The following DPYS variants were observed in gnomAD, a reference collection of about 807,000 sequenced individuals.
DPYS encodes dihydropyrimidinase.
DPYS carries 39 observed loss-of-function variants against 50.3 expected under a neutral mutation model. That is an observed-to-expected ratio of 0.78 (90% CI 0.60 to 1.01). DPYS has a LOEUF of 1.01. Ranked by LOEUF, DPYS falls within the 50% of genes least tolerant of loss-of-function variation. DPYS has a pLI of 0.00. For synonymous variants in DPYS, 245 were observed against 250.7 expected, an observed-to-expected ratio of 0.98 and a Z score of 0.22; for missense variants, 659 against 680.9, an observed-to-expected ratio of 0.97 and a Z score of 0.36.
intron 8 of DPYS, among the ~76,000 whole-genome samples, chr8:104,381,861 CACACACACACACACACACACACAT>C (rs1299487239): frequency 1.5e-4 from 18 of 117,954 alleles, no homozygotes; most frequent in Non-Finnish European, 2.6e-4. Flanking sequence ...ATCACACACA[CACACACACACACACACACACACAT>C]ACACACAGAC....
chr8:104,466,060 G>A (rs964863985), intron 1 of DPYS, among the ~76,000 whole-genome samples: 7 of 152,042 alleles, frequency 4.6e-5, no homozygotes, highest in Non-Finnish European at 1.0e-4. Context: ...TTTTCTACTG[G>A]GGGTGGGAGT....
rs1814445377 is a variant in DPYS, at chr8:104,467,014, C to A, written c.-94G>T. The A allele has an allele frequency of 4.5e-6, 6 of 1,320,392 alleles. No individual in the cohort carries two copies. The South Asian group carries it at 5.5e-5, about 12-fold the overall frequency. 81.8% of individuals were successfully genotyped at this position (1,320,392 alleles called of 1,614,324 possible). On this transcript the variant is annotated 5_prime_UTR_variant, in exon 1 of 10. Coordinates refer to ENST00000351513, the MANE Select transcript of DPYS (RefSeq NM_001385.3). ...GGCTTGGGGTGCCCTCCTGCAAGGTCCCCACCGACAGCCCCCGAGCTCTGC... is the reference window on the plus strand; with the variant it reads ...GGCTTGGGGTGCCCTCCTGCAAGGTACCCACCGACAGCCCCCGAGCTCTGC...
At position 104,466,590 on chromosome 8, in the gene DPYS, G is replaced by A. The variant is rs1185024495; in HGVS notation, c.264+67C>T. 4.1e-6 allele frequency: 6 copies of A among 1,445,924 alleles called. No homozygotes were observed. The Admixed American group carries it at 1.4e-4, about 34-fold the overall frequency. The allele number at this position is 1,445,924 out of a possible 1,614,324, so 89.6% of individuals were successfully genotyped here. On this transcript the variant is annotated intron_variant, in intron 1 of 9. Coordinates refer to ENST00000351513, the MANE Select transcript of DPYS (RefSeq NM_001385.3). ...CGAGGCGGCCCTGCTGAGGACCCCGGGACGACTGGGGAGGCTGCCCGAGCC... is the reference window on the plus strand; with the variant it reads ...CGAGGCGGCCCTGCTGAGGACCCCGAGACGACTGGGGAGGCTGCCCGAGCC...
intron 7 of DPYS, among the ~76,000 whole-genome samples, chr8:104,402,530 T>C (rs1811854940): frequency 6.6e-6 from 1 of 152,200 alleles, no homozygotes; most frequent in Non-Finnish European, 1.5e-5. Flanking sequence ...TGGGGTGATG[T>C]GTGGACTTGG....
At chr8:104,404,807 C>A (rs149287895) in intron 7 of DPYS, among the ~76,000 whole-genome samples, 100 of 152,364 alleles carry the variant, frequency 6.6e-4, no homozygotes, top group African/African-American at 2.3e-3. Context: ...GCTGCTTTTG[C>A]ACTACAACAG....
chr8:104,460,817 A>G (rs1210303369), intron 1 of DPYS, among the ~76,000 whole-genome samples: 3 of 152,170 alleles, frequency 2.0e-5, no homozygotes, highest in African/African-American at 7.2e-5. Context: ...TAATCATTAA[A>G]CAGCCATTCA....
At chr8:104,399,938 G>A (rs796555873) in intron 7 of DPYS, among the ~76,000 whole-genome samples, 1 of 150,556 alleles carries the variant, frequency 6.6e-6, no homozygotes, top group South Asian at 2.1e-4. Context: ...AAGACCCTTA[G>A]GCATGGTTGT....
At chr8:104,459,586 T>C (rs919796235) in intron 1 of DPYS, among the ~76,000 whole-genome samples, 4 of 152,212 alleles carry the variant, frequency 2.6e-5, no homozygotes, top group Non-Finnish European at 5.9e-5. Context: ...CTCTAGAATA[T>C]ACCACTGTAG....
At position 104,428,141 on chromosome 8, in the gene DPYS, A is replaced by G. The variant is rs755092259; in HGVS notation, c.951-20T>C. On this transcript the variant is annotated intron_variant, in intron 5 of 9. Coordinates refer to ENST00000351513, the MANE Select transcript of DPYS (RefSeq NM_001385.3). ...TCATCACTGTAAAAGAAAAAACACG[A>G]GAGTGATGGGGTGAGTATACAGAAT... The G allele has an allele frequency of 1.2e-6, 2 of 1,614,182 alleles. No homozygotes were observed. The highest frequency in any genetic ancestry group is 1.7e-6 in the Non-Finnish European group (2 of 1,179,988).
intron 1 of DPYS, among the ~76,000 whole-genome samples, chr8:104,461,180 C>T (rs1390078871): frequency 6.6e-6 from 1 of 151,022 alleles, no homozygotes; most frequent in African/African-American, 2.4e-5. Flanking sequence ...GCAGTCCCAG[C>T]TACTTGGGAG....
At chr8:104,447,257 C>G in intron 3 of DPYS, 67 bp downstream of exon 3, 1 of 1,579,078 alleles carries the variant, frequency 6.3e-7, no homozygotes, top group Admixed American at 1.7e-5. Context: ...TATGTAGGCC[C>G]AATCATCTTC....
intron 2 of DPYS, among the ~76,000 whole-genome samples, chr8:104,449,029 A>G (rs1000375409): frequency 6.6e-6 from 1 of 152,176 alleles, no homozygotes. Flanking sequence ...CCACTCAATA[A>G]CTATTTATTG....
chr8:104,447,424 T>C lies in DPYS; in HGVS notation c.503A>G (p.Tyr168Cys), dbSNP rs764851509. The change falls in exon 3 of 10, where the codon TAC (tyrosine) becomes TGC (cysteine). Residue 168 changes from tyrosine (Y) to cysteine (C), a missense_variant. Physicochemically the swap from Tyr to Cys is radical, Grantham distance 194. Transcript: ENST00000351513. The stretch of plus-strand genomic sequence containing the variant: ...GTACAGCTCCAGGTCTGTCACCATG[T>C]ACAGATCTTTATAGGCCATAAACAT... ...FKMFMAYKDL[Y>C]MVTDLELYEA... 2 of 1,614,098 alleles carry C rather than the reference T, an allele frequency of 1.2e-6. No homozygotes were observed. The highest frequency in any genetic ancestry group is 1.3e-5 in the African/African-American group (1 of 75,038).
rs1471915228 is a variant in DPYS, at chr8:104,388,155, A to T, written c.1443+4629T>A. On this transcript the variant is annotated intron_variant, in intron 8 of 9. Coordinates refer to ENST00000351513, the MANE Select transcript of DPYS (RefSeq NM_001385.3). ...GACATTGACAAATGGTTATTTCAGA[A>T]ATGGAGAATACCCATCTCAAGGACC... 2.6e-5 allele frequency among the ~76,000 whole-genome samples: 4 copies of T among 152,248 alleles called. No individual in the cohort carries two copies. The East Asian group carries it at 7.7e-4, about 29-fold the overall frequency.
intron 9 of DPYS, 39 bp downstream of exon 9, chr8:104,381,145 T>C: frequency 6.6e-7 from 1 of 1,519,806 alleles, no homozygotes; most frequent in South Asian, 1.1e-5. Context: ...TTTCATATGC[T>C]GTCATGCAGG....
chr8:104,444,257 T>A lies in DPYS; in HGVS notation c.784A>T (p.Arg262Trp). The A allele has an allele frequency of 6.2e-7, 1 of 1,614,248 alleles. No homozygotes were observed. The change falls in exon 4 of 10, where the codon AGG becomes TGG. Residue 262 changes from arginine to tryptophan, a missense_variant. Coordinates refer to ENST00000351513, the MANE Select transcript of DPYS (RefSeq NM_001385.3). ...TACATTCGAGAATTACCATCTCTCC[T>A]TGCATCCGCTATCACCTTAGCTGCA... ...KSAAKVIADARRDGKVVYGEP... is the reference protein window; with the variant it reads ...KSAAKVIADAWRDGKVVYGEP...
At chr8:104,397,258 A>G (rs1018331431) in intron 7 of DPYS, among the ~76,000 whole-genome samples, 3 of 152,226 alleles carry the variant, frequency 2.0e-5, no homozygotes, top group Non-Finnish European at 4.4e-5. Context: ...GTCGTTTAGC[A>G]TTATCTGAAG....
At chr8:104,447,948 T>C (rs184336496) in intron 2 of DPYS, among the ~76,000 whole-genome samples, 41 of 152,238 alleles carry the variant, frequency 2.7e-4, no homozygotes, top group Non-Finnish European at 1.6e-4. Flanking sequence ...AAGGAGAAAG[T>C]AGAAGATGCA....
chr8:104,447,527 C>G, intron 2 of DPYS, 24 bp from the exon 3 acceptor site: 1 of 1,611,702 alleles, frequency 6.2e-7, no homozygotes, highest in Non-Finnish European at 8.5e-7. Flanking sequence ...GCAACCATAA[C>G]AACAATATGT....
Sources: gnomAD v4.1 joint callset for allele counts (sites outside exome capture counted in the v4.1 genomes callset) on GRCh38, gnomAD v4.1.1 for gene constraint, MANE v1.5 for transcripts, NCBI Gene and HGNC (gene_info 2026-07-23, HGNC 2026-07-21) for gene names.